Variants in CNTNAP2 observed in about 807,000 individuals in gnomAD.
The protein encoded by CNTNAP2 is contactin-associated protein-like 2.
In CNTNAP2, 98 loss-of-function variants were observed where a neutral mutation model predicts 155.2. The observed-to-expected ratio is 0.63, with a 90% CI of 0.54 to 0.75. The LOEUF is 0.75. Among genes scored for constraint, CNTNAP2 ranks in the 30% least tolerant of loss-of-function variants. CNTNAP2 has a pLI of 0.00. For synonymous variants in CNTNAP2, 651 were observed against 631.2 expected (o/e 1.03, Z -0.47); for missense variants, 1,727 against 1,688.1 (o/e 1.02, Z -0.40).
At chr7:147,860,589 C>CCAAAAAAAAAAAAAAAA (rs1799118430) in intron 13 of CNTNAP2, among the ~76,000 whole-genome samples, 1 of 124,442 alleles carries the variant, frequency 8.0e-6, no homozygotes, top group Non-Finnish European at 1.7e-5. Context: ...GACTCTGTCT[C>CCAAAAAAAAAAAAAAAA]AAAAAAAAAA....
At chr7:146,387,029 C>T (rs1795471020) in intron 1 of CNTNAP2, among the ~76,000 whole-genome samples, 1 of 152,060 alleles carries the variant, frequency 6.6e-6, no homozygotes, top group African/African-American at 2.4e-5. Context: ...CAAAACAAAC[C>T]CCAAATCACA....
rs564782008 is a variant in CNTNAP2 at position 147,864,123 on chromosome 7, T to C, written c.2099-39442T>C. Among the ~76,000 whole-genome samples the C allele has an allele frequency of 2.1e-4, 32 of 152,188 alleles. No homozygotes were observed. The East Asian group carries it at 6.0e-3, about 29-fold the overall frequency. ...TTTTGTATATGATGTAAAGAAAGGA[T>C]CCAGTTTCAGCTTTCTACATATGGC... is the stretch of plus-strand genomic sequence containing the variant. On this transcript the variant is annotated intron_variant, in intron 13 of 23. Transcript: ENST00000361727.
chr7:147,444,335 G>A (rs1451710015), intron 10 of CNTNAP2, among the ~76,000 whole-genome samples: 1 of 152,104 alleles, frequency 6.6e-6, no homozygotes, highest in African/African-American at 2.4e-5. Context: ...CAAGTTGCCA[G>A]CCTTTTGGCA....
intron 2 of CNTNAP2, among the ~76,000 whole-genome samples, chr7:146,828,121 C>G (rs1295059493): frequency 6.6e-6 from 1 of 151,914 alleles, no homozygotes; most frequent in African/African-American, 2.4e-5. Flanking sequence ...GAGTAGCTGG[C>G]ATATAGACGT....
chr7:147,554,335 G>A (rs536455061), intron 11 of CNTNAP2, among the ~76,000 whole-genome samples: 2 of 152,104 alleles, frequency 1.3e-5, no homozygotes, highest in East Asian at 1.9e-4. Flanking sequence ...GGGGCAAAGA[G>A]TCCTGGTTTT....
chr7:148,032,427 G>A (rs1802495030), intron 15 of CNTNAP2, among the ~76,000 whole-genome samples: 1 of 152,206 alleles, frequency 6.6e-6, no homozygotes. Flanking sequence ...AAGAGACAGA[G>A]AGGGTAGGAG....
At chr7:146,536,462 AT>A (rs1200399349) in intron 1 of CNTNAP2, among the ~76,000 whole-genome samples, 2 of 151,966 alleles carry the variant, frequency 1.3e-5, no homozygotes, top group Admixed American at 6.6e-5. Flanking sequence ...TTTTCTCTAC[AT>A]TTTTAATGAT....
chr7:146,598,583 G>C (rs1469181835), intron 1 of CNTNAP2, among the ~76,000 whole-genome samples: 3 of 152,064 alleles, frequency 2.0e-5, no homozygotes, highest in Non-Finnish European at 4.4e-5. Context: ...GGACCTATCA[G>C]AAACATTTAA....
At chr7:146,872,290 T>C (rs558377909) in intron 3 of CNTNAP2, among the ~76,000 whole-genome samples, 1 of 149,726 alleles carries the variant, frequency 6.7e-6, no homozygotes, top group Non-Finnish European at 1.5e-5. Context: ...ACAAACTTAA[T>C]AAAACTATGT....
At chr7:146,433,749 G>C (rs1317681892) in intron 1 of CNTNAP2, among the ~76,000 whole-genome samples, 1 of 152,140 alleles carries the variant, frequency 6.6e-6, no homozygotes, top group Non-Finnish European at 1.5e-5. Flanking sequence ...AACATGGAGA[G>C]CAGAGTCTTG....
intron 11 of CNTNAP2, among the ~76,000 whole-genome samples, chr7:147,492,457 CAAG>C (rs559339523): frequency 5.3e-5 from 8 of 152,108 alleles, no homozygotes; most frequent in Non-Finnish European, 8.8e-5. Flanking sequence ...TAGTACATGA[CAAG>C]AAGTTTATTT....
chr7:146,469,082 G>A (rs1384447270), intron 1 of CNTNAP2, among the ~76,000 whole-genome samples: 2 of 152,208 alleles, frequency 1.3e-5, no homozygotes, highest in Admixed American at 6.5e-5. Context: ...ATACTGTGTT[G>A]TTGCAAAGTA....
intron 21 of CNTNAP2, among the ~76,000 whole-genome samples, chr7:148,310,232 G>C (rs1331137678): frequency 6.6e-6 from 1 of 152,196 alleles, no homozygotes; most frequent in Non-Finnish European, 1.5e-5. Flanking sequence ...AAGTTTTTGG[G>C]CTCTATCCTT....
chr7:148,057,274 C>T (rs1012943273), intron 15 of CNTNAP2, among the ~76,000 whole-genome samples: 9 of 152,122 alleles, frequency 5.9e-5, no homozygotes, highest in African/African-American at 1.4e-4. Flanking sequence ...TACAAGTAGC[C>T]GGGAGCTGCT....
chr7:148,239,230 A>G (rs1344482117), intron 20 of CNTNAP2, among the ~76,000 whole-genome samples: 2 of 152,188 alleles, frequency 1.3e-5, no homozygotes, highest in African/African-American at 2.4e-5. Flanking sequence ...ACTTTTACCT[A>G]TTATAGCACT....
chr7:146,736,379 C>T (rs554126415), intron 1 of CNTNAP2, among the ~76,000 whole-genome samples: 1 of 152,236 alleles, frequency 6.6e-6, no homozygotes, highest in South Asian at 2.1e-4. Flanking sequence ...TCCTTATTCT[C>T]TGCTTTTGAT....
At chr7:147,289,999 C>G (rs112390935) in intron 8 of CNTNAP2, among the ~76,000 whole-genome samples, 168 of 152,224 alleles carry the variant, frequency 1.1e-3, no homozygotes, top group African/African-American at 3.7e-3. Context: ...ACAGTAGATT[C>G]TCATCGTTCT....
intron 21 of CNTNAP2, among the ~76,000 whole-genome samples, chr7:148,371,377 T>C (rs1313746005): frequency 6.6e-6 from 1 of 152,168 alleles, no homozygotes; most frequent in Non-Finnish European, 1.5e-5. Flanking sequence ...TCGTTTCTGC[T>C]AAACTGTATT....
chr7:146,795,884 A>G (rs1212970252), intron 2 of CNTNAP2, among the ~76,000 whole-genome samples: 1 of 152,212 alleles, frequency 6.6e-6, no homozygotes, highest in Non-Finnish European at 1.5e-5. Flanking sequence ...AATAACCCGA[A>G]AATGAAAACA....
Sources: allele counts gnomAD v4.1 joint callset (sites outside exome capture counted in the v4.1 genomes callset), GRCh38; gene constraint gnomAD v4.1.1; transcripts MANE v1.5; gene names NCBI Gene and HGNC (gene_info 2026-07-23, HGNC 2026-07-21).